BCAS3: variants seen among roughly 807,000 people sequenced by gnomAD.
BCAS3 encodes the protein BCAS4/BCAS3 fusion.
In BCAS3, 53 loss-of-function variants were observed where a neutral mutation model predicts 116.1. That is an observed-to-expected ratio of 0.46 (90% CI 0.37 to 0.57). BCAS3 has a LOEUF of 0.57. Ranked by LOEUF, BCAS3 falls within the 20% of genes least tolerant of loss-of-function variation. BCAS3 has a pLI of 0.00. For synonymous variants in BCAS3, 391 were observed against 408.2 expected (o/e 0.96, Z 0.51); for missense variants, 917 against 1,165.4 (o/e 0.79, Z 3.10).
intron 14 of BCAS3, among the ~76,000 whole-genome samples, chr17:60,959,943 C>T (rs899772258): frequency 6.6e-6 from 1 of 152,168 alleles, no homozygotes; most frequent in Non-Finnish European, 1.5e-5. Flanking sequence ...TTACATCCTC[C>T]TCATTTCTGA....
intron 4 of BCAS3, among the ~76,000 whole-genome samples, chr17:60,695,312 GT>G (rs1356562269): frequency 6.6e-6 from 1 of 152,008 alleles, no homozygotes; most frequent in African/African-American, 2.4e-5. Context: ...TAGAGACGGG[GT>G]TTCATCATGT....
intron 22 of BCAS3, among the ~76,000 whole-genome samples, chr17:61,190,520 C>G (rs1432472228): frequency 1.1e-5 from 1 of 89,056 alleles, no homozygotes; most frequent in Non-Finnish European, 2.3e-5. Context: ...GAACAAGACT[C>G]CATCTCAAAA....
At chr17:61,099,499 G>T (rs1467515500) in intron 22 of BCAS3, among the ~76,000 whole-genome samples, 1 of 152,126 alleles carries the variant, frequency 6.6e-6, no homozygotes, top group Non-Finnish European at 1.5e-5. Flanking sequence ...TTGCCCTTAT[G>T]TTATGATCAC....
Position 61,214,669 on chromosome 17 carries a change from C to T in BCAS3, c.2425+130105C>T, listed in dbSNP as rs564125100. ...TCGCGCCACTGCACTCCAGCCTGGG[C>T]GACAGAGCAAGACTCCATCTCAAAA... is the stretch of plus-strand genomic sequence containing the variant. On this transcript the variant is annotated intron_variant, in intron 22 of 23. Coordinates refer to ENST00000407086, the MANE Select transcript of BCAS3 (RefSeq NM_017679.5). The surrounding 1 kb of genome is among the most constrained non-coding windows in gnomAD (Gnocchi z 4.4). 1.9e-4 allele frequency among the ~76,000 whole-genome samples: 28 copies of T among 151,332 alleles called. No homozygotes were observed. The highest frequency in any genetic ancestry group is 6.5e-4 in the African/African-American group (27 of 41,232).
rs1304614633 is a variant in BCAS3 at position 61,324,527 on chromosome 17, G to GTTGGC, written c.2426-43798_2426-43794dup. Among the ~76,000 whole-genome samples the GTTGGC allele has an allele frequency of 2.6e-5, 4 of 152,176 alleles. No individual in the cohort carries two copies. The highest frequency in any genetic ancestry group is 9.6e-5 in the African/African-American group (4 of 41,452). On this transcript the variant is annotated intron_variant, in intron 22 of 23. Coordinates refer to ENST00000407086, the MANE Select transcript of BCAS3 (RefSeq NM_017679.5). This position sits in a 1 kb window ranked among gnomAD's most constrained non-coding sequence, Gnocchi z 4.6. ...ATATCTATATATATCCTGACCCCGG[G>GTTGGC]TTGGCTGTGTGTTAAAAAATCAAAC...
rs752011097 is a variant in BCAS3, at chr17:61,380,536, T to TC, written c.2594-11435dup. Reference sequence around the variant, plus strand: ...GCCCTTGACGTAGCAGTAAAAACCTTCCCCCCTGAGAGACACGTGGCAGTG... The same window carrying TC: ...GCCCTTGACGTAGCAGTAAAAACCTTCCCCCCCTGAGAGACACGTGGCAGTG... On this transcript the variant is annotated intron_variant, in intron 23 of 23. Coordinates refer to ENST00000407086, the MANE Select transcript of BCAS3 (RefSeq NM_017679.5). This position sits in a 1 kb window ranked among gnomAD's most constrained non-coding sequence, Gnocchi z 4.2. The TC allele has an allele frequency of 3.1e-6, 5 of 1,598,130 alleles. No homozygotes were observed. The highest frequency in any genetic ancestry group is 2.2e-5 in the East Asian group (1 of 44,874).
chr17:60,860,250 T>C (rs1263416927), intron 7 of BCAS3, among the ~76,000 whole-genome samples: 1 of 152,214 alleles, frequency 6.6e-6, no homozygotes, highest in African/African-American at 2.4e-5. Flanking sequence ...TAATGATTAG[T>C]GATGTTGAGC....
chr17:60,870,837 G>A (rs1435644806), intron 8 of BCAS3, among the ~76,000 whole-genome samples: 3 of 152,106 alleles, frequency 2.0e-5, no homozygotes, highest in Non-Finnish European at 4.4e-5. Flanking sequence ...AAAAAACGAT[G>A]CCATGTGAAT....
intron 14 of BCAS3, among the ~76,000 whole-genome samples, chr17:60,974,462 C>T (rs1350209956): frequency 6.6e-6 from 1 of 151,956 alleles, no homozygotes; most frequent in African/African-American, 2.4e-5. Context: ...TTGGTTTCCC[C>T]AAATATTACA....
At chr17:61,270,268 C>T (rs551437129) in intron 22 of BCAS3, among the ~76,000 whole-genome samples, 25 of 149,336 alleles carry the variant, frequency 1.7e-4, no homozygotes, top group Admixed American at 1.2e-3. Flanking sequence ...TACAGGTGCC[C>T]GCCACCGCGC....
intron 14 of BCAS3, among the ~76,000 whole-genome samples, chr17:60,953,794 C>T (rs1009507183): frequency 2.0e-4 from 30 of 148,980 alleles, no homozygotes; most frequent in African/African-American, 6.8e-4. Context: ...AGTGCAATGG[C>T]GTGATCTCTG....
At chr17:60,898,632 G>A (rs944206715) in intron 10 of BCAS3, among the ~76,000 whole-genome samples, 3 of 152,094 alleles carry the variant, frequency 2.0e-5, no homozygotes, top group African/African-American at 4.8e-5. Context: ...CCAGAGTAGT[G>A]TACACTGGCA....
intron 6 of BCAS3, among the ~76,000 whole-genome samples, chr17:60,765,420 T>G (rs2144378446): frequency 6.6e-6 from 1 of 152,312 alleles, no homozygotes; most frequent in South Asian, 2.1e-4. Context: ...TGCTTGTCTG[T>G]AAAGGATTTT....
In BCAS3 at chr17:61,048,618, A is replaced by G. The variant is rs555007566; in HGVS notation, c.2029+7726A>G. 3.8e-4 allele frequency among the ~76,000 whole-genome samples: 58 copies of G among 152,132 alleles called. 1 individual carries two copies. In the South Asian group the frequency reaches 0.012, roughly 31 times the overall value. On this transcript the variant is annotated intron_variant, in intron 19 of 23. Coordinates refer to ENST00000407086, the MANE Select transcript of BCAS3 (RefSeq NM_017679.5). ...TCTTGTCTGTGGCCACTTTTAAGCT[A>G]TAATCACTGAGTTGAGTAACAGTAA...
intron 22 of BCAS3, among the ~76,000 whole-genome samples, chr17:61,135,618 A>G (rs2143901093): frequency 6.6e-6 from 1 of 152,344 alleles, no homozygotes; most frequent in South Asian, 2.1e-4. Flanking sequence ...TTAGCAGACT[A>G]CTGCCACCCC....
chr17:61,027,133 A>C (rs1446823501), intron 16 of BCAS3, among the ~76,000 whole-genome samples: 3 of 151,762 alleles, frequency 2.0e-5, no homozygotes, highest in Non-Finnish European at 4.4e-5. Flanking sequence ...AAAAAAAAAA[A>C]ACCACAGATG....
intron 14 of BCAS3, among the ~76,000 whole-genome samples, chr17:60,974,329 G>A (rs2145362507): frequency 6.6e-6 from 1 of 152,214 alleles, no homozygotes; most frequent in South Asian, 2.1e-4. Flanking sequence ...TGTTTCATAT[G>A]TACTTTGACT....
chr17:60,848,163 C>T (rs978604864), intron 7 of BCAS3, among the ~76,000 whole-genome samples: 5 of 152,122 alleles, frequency 3.3e-5, no homozygotes, highest in Non-Finnish European at 7.4e-5. Context: ...TTTGGAATGT[C>T]TAATGCTAGG....
chr17:60,746,058 T>C (rs935116621), intron 5 of BCAS3, among the ~76,000 whole-genome samples: 1 of 152,118 alleles, frequency 6.6e-6, no homozygotes, highest in African/African-American at 2.4e-5. Flanking sequence ...CAGGCAGTTA[T>C]TTAAAAAAAT....
Sources: gnomAD v4.1 joint callset for allele counts (sites outside exome capture counted in the v4.1 genomes callset) on GRCh38, gnomAD v4.1.1 for gene constraint, Gnocchi (gnomAD v3.1) non-coding constraint, MANE v1.5 for transcripts, NCBI Gene and HGNC (gene_info 2026-07-23, HGNC 2026-07-21) for gene names.